The following DNAJB1 variants were observed in gnomAD, a reference collection of about 807,000 sequenced individuals.
DNAJB1 encodes the protein DnaJ heat shock protein family (Hsp40) member B1.
DNAJB1 carries 14 observed loss-of-function variants against 24.0 expected under a neutral mutation model. That is an observed-to-expected ratio of 0.58 (90% CI 0.39 to 0.91). The LOEUF (loss-of-function observed/expected upper bound fraction) is 0.91, where lower values mean the gene tolerates loss of function less well. Ranked by LOEUF, DNAJB1 falls within the 40% of genes least tolerant of loss-of-function variation. The pLI, the probability that DNAJB1 is intolerant of heterozygous loss-of-function variation, is 0.00. For missense variants in DNAJB1, 517 were observed against 458.1 expected, an observed-to-expected ratio of 1.13 and a Z score of -1.17; for synonymous variants, 262 against 174.4, an observed-to-expected ratio of 1.50 and a Z score of -3.96.
Position 14,535,572 on chromosome 19 carries a change from ATATATATATATATATATG to A in DNAJB1, c.-213-7780_-213-7763del, listed in dbSNP as rs1176179961. On this transcript the variant is annotated intron_variant, in intron 1 of 3. Coordinates refer to the DNAJB1 transcript ENST00000676982. The stretch of plus-strand genomic sequence containing the variant: ...TATATATATATATATATATATATAT[ATATATATATATATATATG>A]TATGTATATATAAATTAGCCAGGCA... 3.3e-3 allele frequency among the ~76,000 whole-genome samples: 104 copies of A among 31,764 alleles called. 2 individuals carry two copies. Among genetic ancestry groups the A allele is most frequent in the African/African-American group, 9.0e-3 (91 of 10,080 alleles). The allele number at this position is 31,764 out of a possible 152,430, so 20.8% of individuals were successfully genotyped here.
intron 1 of DNAJB1, among the ~76,000 whole-genome samples, chr19:14,557,228 C>T (rs970056106): frequency 2.6e-5 from 4 of 151,390 alleles, no homozygotes; most frequent in East Asian, 1.9e-4. Flanking sequence ...CAACCTCCAC[C>T]GTCCTGAGTT....
At chr19:14,517,072 A>G in intron 1 of DNAJB1, 26 bp from the exon 2 acceptor site, 1 of 1,581,138 alleles carries the variant, frequency 6.3e-7, no homozygotes. Flanking sequence ...AGAAGCAGTC[A>G]GATGGCTGAA....
chr19:14,518,154 G>A lies in DNAJB1; in HGVS notation c.196C>T (p.Arg66Cys), dbSNP rs1335325642. Residue 66 changes from arginine (R) to cysteine (C), a missense_variant, in exon 1 of 3, where the codon CGC becomes TGC. Transcript: ENST00000254322. ...SDPRKREIFD[R>C]YGEEGLKGSG... is the part of the protein sequence containing the mutation. ...GAGCACACACCTTCCTCCCCGTAGC[G>A]GTCGAAGATCTCGCGCTTGCGCGGG... 1 of 1,576,622 alleles carries A rather than the reference G, an allele frequency of 6.3e-7. No homozygotes were observed. Among genetic ancestry groups the A allele is most frequent in the Non-Finnish European group, 8.6e-7 (1 of 1,162,792 alleles).
intron 2 of DNAJB1, among the ~76,000 whole-genome samples, chr19:14,526,111 T>A (rs1188040581): frequency 2.0e-5 from 3 of 152,150 alleles, no homozygotes; most frequent in Non-Finnish European, 4.4e-5. Flanking sequence ...TGGTCTCGGG[T>A]TCCCCCCAAA....
chr19:14,544,491 G>C (rs993940658), intron 1 of DNAJB1, among the ~76,000 whole-genome samples: 5 of 152,020 alleles, frequency 3.3e-5, no homozygotes, highest in Non-Finnish European at 7.4e-5. Context: ...ATGATCTCGG[G>C]GTGTGCGGCC....
chr19:14,517,783 A>G (rs1052249229), intron 1 of DNAJB1: 1 of 207,848 alleles, frequency 4.8e-6, no homozygotes, highest in Non-Finnish European at 9.6e-6. Context: ...CCGGCGGCCG[A>G]GCCCAGGTGA....
intron 1 of DNAJB1, among the ~76,000 whole-genome samples, chr19:14,556,831 G>T (rs1397059189): frequency 6.6e-6 from 1 of 152,190 alleles, no homozygotes; most frequent in Non-Finnish European, 1.5e-5. Flanking sequence ...GCCACAAGGG[G>T]GCAGTGGGGA....
intron 1 of DNAJB1, among the ~76,000 whole-genome samples, chr19:14,541,868 C>T (rs892164199): frequency 1.3e-5 from 2 of 151,054 alleles, no homozygotes; most frequent in African/African-American, 4.9e-5. Context: ...CTGCAACCTT[C>T]GCCTCCTGGG....
chr19:14,552,459 T>C (rs1036403231), upstream of DNAJB1, among the ~76,000 whole-genome samples: 4 of 152,070 alleles, frequency 2.6e-5, no homozygotes, highest in African/African-American at 7.2e-5. Context: ...GCTACTTACC[T>C]TGGGCGAGGG....
intron 1 of DNAJB1, among the ~76,000 whole-genome samples, chr19:14,559,752 A>G (rs2073848806): frequency 6.6e-6 from 1 of 150,942 alleles, no homozygotes; most frequent in African/African-American, 2.4e-5. Flanking sequence ...GCACTGCTGC[A>G]CTCCAACCTG....
chr19:14,556,412 A>AC (rs201177684), intron 1 of DNAJB1, among the ~76,000 whole-genome samples: 4,941 of 138,534 alleles, frequency 0.036, 160 homozygotes, highest in African/African-American at 0.089. Context: ...CTCTCTCAAA[A>AC]AAAAAACAAA....
Position 14,515,924 on chromosome 19 carries a change from T to TG in DNAJB1, c.*15dup, listed in dbSNP as rs762391144. On this transcript the variant is annotated 3_prime_UTR_variant, in exon 3 of 3. Coordinates refer to ENST00000254322, the MANE Select transcript of DNAJB1 (RefSeq NM_006145.3). ...TCTGGAAAGGTCCCTGGTCAGTCCTTGGGGAGCTCAGATAGCTATATTGGA... is the reference window on the plus strand; with the variant it reads ...TCTGGAAAGGTCCCTGGTCAGTCCTTGGGGGAGCTCAGATAGCTATATTGGA... The TG allele has an allele frequency of 1.6e-5, 26 of 1,604,650 alleles. No individual in the cohort carries two copies. In the East Asian group the frequency reaches 4.9e-4, roughly 30 times the overall value.
chr19:14,520,429 C>A (rs1442038893), upstream of DNAJB1, among the ~76,000 whole-genome samples: 1 of 150,848 alleles, frequency 6.6e-6, no homozygotes, highest in African/African-American at 2.4e-5. Flanking sequence ...GACAGTGAGA[C>A]CCTCAGCCTC....
chr19:14,539,820 C>T (rs2073033962), intron 1 of DNAJB1, among the ~76,000 whole-genome samples: 1 of 152,044 alleles, frequency 6.6e-6, no homozygotes, highest in Admixed American at 6.6e-5. Flanking sequence ...CCTTGCCTGT[C>T]ACCCTGGCAC....
At chr19:14,556,714 G>T (rs1042986742) in intron 1 of DNAJB1, among the ~76,000 whole-genome samples, 5 of 152,172 alleles carry the variant, frequency 3.3e-5, no homozygotes, top group Non-Finnish European at 7.3e-5. Flanking sequence ...CAGGGTTAAG[G>T]TCCCATTCTG....
At chr19:14,543,730 G>T (rs754486520) in intron 1 of DNAJB1, among the ~76,000 whole-genome samples, 208 of 149,098 alleles carry the variant, frequency 1.4e-3, no homozygotes, top group Admixed American at 3.8e-3. Context: ...GAGCCACCGC[G>T]CCCGGCTATA....
upstream of DNAJB1, among the ~76,000 whole-genome samples, chr19:14,550,501 C>T (rs955879676): frequency 6.6e-6 from 1 of 152,080 alleles, no homozygotes; most frequent in Non-Finnish European, 1.5e-5. Context: ...GGTCCGACAG[C>T]GCCTTCCTGC....
chr19:14,529,856 C>G, upstream of DNAJB1: 2 of 1,110,340 alleles, frequency 1.8e-6, no homozygotes, highest in Non-Finnish European at 2.7e-6. Flanking sequence ...CGTTGCGCCC[C>G]GGGCCACTCG....
chr19:14,532,115 ACAGT>A (rs1307524547), upstream of DNAJB1: 2 of 152,140 alleles, frequency 1.3e-5, no homozygotes, highest in African/African-American at 4.8e-5. Context: ...TTGCTAGTTA[ACAGT>A]CAGATAAAGT....
Sources: allele counts gnomAD v4.1 joint callset (sites outside exome capture counted in the v4.1 genomes callset), GRCh38; gene constraint gnomAD v4.1.1; transcripts MANE v1.5; gene names NCBI Gene and HGNC (gene_info 2026-07-23, HGNC 2026-07-21).